The following ANTXR2 variants were observed in gnomAD, a reference collection of about 807,000 sequenced individuals.
ANTXR2 encodes the protein anthrax toxin receptor 2.
In ANTXR2, 44 loss-of-function variants were observed where a neutral mutation model predicts 73.7. That is an observed-to-expected ratio of 0.60 (90% CI 0.47 to 0.77). ANTXR2 has a LOEUF of 0.77. ANTXR2 is among the 30% of genes least tolerant of loss of function. The pLI, the probability that ANTXR2 is intolerant of heterozygous loss-of-function variation, is 0.00. For missense variants in ANTXR2, 604 were observed against 592.5 expected, an observed-to-expected ratio of 1.02 and a Z score of -0.20; for synonymous variants, 217 against 205.9, an observed-to-expected ratio of 1.05 and a Z score of -0.46.
chr4:79,955,327 G>C (rs1489339069), intron 16 of ANTXR2, among the ~76,000 whole-genome samples: 1 of 152,008 alleles, frequency 6.6e-6, no homozygotes, highest in South Asian at 2.1e-4. Flanking sequence ...TATGGATCTA[G>C]AATCATAGTA....
At chr4:79,963,713 C>T (rs1051520637) in intron 16 of ANTXR2, among the ~76,000 whole-genome samples, 1 of 152,042 alleles carries the variant, frequency 6.6e-6, no homozygotes, top group Non-Finnish European at 1.5e-5. Flanking sequence ...TATTATCTTA[C>T]CATTCCCAGG....
At chr4:79,991,864 G>A (rs1275121119) in intron 12 of ANTXR2, among the ~76,000 whole-genome samples, 1 of 151,986 alleles carries the variant, frequency 6.6e-6, no homozygotes, top group Non-Finnish European at 1.5e-5. Context: ...AGAAAACCAA[G>A]TACTACAGGT....
intron 12 of ANTXR2, among the ~76,000 whole-genome samples, chr4:79,990,507 T>C (rs1393695586): frequency 2.6e-5 from 4 of 151,846 alleles, no homozygotes; most frequent in Non-Finnish European, 4.4e-5. Flanking sequence ...GAAAAAGCAT[T>C]CTATGCTCAT....
intron 13 of ANTXR2, 33 bp from the exon 14 acceptor site, chr4:79,984,003 TTAA>T: frequency 7.1e-7 from 1 of 1,416,228 alleles, no homozygotes; most frequent in Non-Finnish European, 9.6e-7. Flanking sequence ...TAGTTTTTAA[TTAA>T]TTTCTTAAAA....
intron 7 of ANTXR2, among the ~76,000 whole-genome samples, chr4:80,049,206 T>C (rs1180464732): frequency 6.6e-6 from 1 of 151,792 alleles, no homozygotes; most frequent in African/African-American, 2.4e-5. Flanking sequence ...CAGAACATTT[T>C]GATTTTTATT....
At chr4:79,986,338 A>C (rs4475087) in intron 12 of ANTXR2, among the ~76,000 whole-genome samples, 13,902 of 152,198 alleles carry the variant, frequency 0.091, 733 homozygotes, top group Middle Eastern at 0.23. Flanking sequence ...AAATTTTCAA[A>C]GGTTTAAAAC....
At chr4:80,071,832 C>T (rs1734801625) in intron 1 of ANTXR2, among the ~76,000 whole-genome samples, 178 bp from the exon 2 acceptor site, 2 of 151,932 alleles carry the variant, frequency 1.3e-5, no homozygotes, top group Non-Finnish European at 2.9e-5. Context: ...AAGTCAGTCC[C>T]AGAGCAAGAC....
chr4:79,972,920 T>TAAAAAAAAAAAAA (rs746252575), intron 16 of ANTXR2, among the ~76,000 whole-genome samples: 49 of 53,140 alleles, frequency 9.2e-4, no homozygotes, highest in African/African-American at 6.0e-3. Flanking sequence ...TAGAGTATAA[T>TAAAAAAAAAAAAA]AAAAAAAAAA....
At chr4:79,935,269 C>G (rs72871875) in intron 16 of ANTXR2, among the ~76,000 whole-genome samples, 15,550 of 150,884 alleles carry the variant, frequency 0.1, 2,649 homozygotes, top group African/African-American at 0.36. Flanking sequence ...GAAAAAGCAC[C>G]CTTTCCTCCA....
intron 3 of ANTXR2, among the ~76,000 whole-genome samples, chr4:80,056,512 C>G (rs150268482): frequency 1.4e-3 from 212 of 151,962 alleles, no homozygotes; most frequent in African/African-American, 4.8e-3. Context: ...CTCCCAGAGT[C>G]GTAAGTCTCA....
rs756324499 is a variant in ANTXR2, at chr4:80,008,604, C to T, written c.958G>A (p.Ala320Thr). 19 of 1,600,120 alleles carry T rather than the reference C, an allele frequency of 1.2e-5. No individual in the cohort carries two copies. The highest frequency in any genetic ancestry group is 4.6e-5 in the East Asian group (2 of 43,892). Residue 320 changes from alanine (A) to threonine (T), a missense_variant, in exon 12 of 17, where the codon GCA (alanine) becomes ACA (threonine). Physicochemically the swap from Ala to Thr is moderately conservative, Grantham distance 58. Coordinates refer to ENST00000403729, the MANE Select transcript of ANTXR2 (RefSeq NM_058172.6). ...AACACCAAAATAACAATGATGGCTG[C>T]GATCCCGTTAGACTAAAGTAGGCAA... ...VTATECSNGI[A>T]AIIVILVLLL...
intron 16 of ANTXR2, among the ~76,000 whole-genome samples, chr4:79,934,323 G>A (rs532458622): frequency 6.6e-6 from 1 of 152,096 alleles, no homozygotes; most frequent in South Asian, 2.1e-4. Flanking sequence ...GAGGCCAGGA[G>A]TTCAAGACCA....
intron 16 of ANTXR2, chr4:79,977,389 C>T: frequency 1.2e-6 from 1 of 839,750 alleles, no homozygotes; most frequent in Non-Finnish European, 1.7e-6. Flanking sequence ...TACAAATGAC[C>T]AGAATTGTAA....
intron 16 of ANTXR2, among the ~76,000 whole-genome samples, chr4:79,949,988 A>C (rs1728645346): frequency 6.6e-6 from 1 of 152,186 alleles, no homozygotes; most frequent in African/African-American, 2.4e-5. Context: ...TTAAGGGACA[A>C]GAACAGCTAT....
intron 7 of ANTXR2, among the ~76,000 whole-genome samples, chr4:80,040,393 T>C (rs935327526): frequency 2.0e-5 from 3 of 152,098 alleles, no homozygotes; most frequent in African/African-American, 7.2e-5. Flanking sequence ...CCAGTTAATT[T>C]TTGCCAAATT....
chr4:79,934,732 T>A (rs1481390974), intron 16 of ANTXR2, among the ~76,000 whole-genome samples: 3 of 152,152 alleles, frequency 2.0e-5, no homozygotes, highest in Non-Finnish European at 4.4e-5. Context: ...TTGCTACTAT[T>A]TCTGTCTAAG....
At position 80,006,175 on chromosome 4, in the gene ANTXR2, C is replaced by A. The variant is rs749103624; in HGVS notation, c.1041+2346G>T. On this transcript the variant is annotated intron_variant, in intron 12 of 16. Transcript: ENST00000403729. ...CTTTATGTTTCTACTGTTCTTTACA[C>A]ACGCCGCTATTAGGACTTCAGTTAC... Among the ~76,000 whole-genome samples, 28 of 152,168 alleles carry A rather than the reference C, an allele frequency of 1.8e-4. 1 individual carries two copies. The highest frequency in any genetic ancestry group is 6.0e-4 in the African/African-American group (25 of 41,538).
rs1139638 is a variant in ANTXR2, at chr4:79,906,645, A to C, written c.*784T>G. 123,283 of 152,152 alleles carry C rather than the reference A, an allele frequency of 0.81. 50,143 individuals are homozygous for C. The highest frequency in any genetic ancestry group is 1 in the East Asian group (5,168 of 5,170). 9.4% of individuals were successfully genotyped at this position (152,152 alleles called of 1,614,324 possible). ...TAGTCACAGGGACAAGTTCGCAAAA[A>C]ATGAGTCCCTTGCACTACACTCAAG... On this transcript the variant is annotated 3_prime_UTR_variant, in exon 17 of 17. Coordinates refer to ENST00000403729, the MANE Select transcript of ANTXR2 (RefSeq NM_058172.6).
chr4:80,040,196 C>T (rs1733168670), intron 7 of ANTXR2, among the ~76,000 whole-genome samples: 1 of 151,848 alleles, frequency 6.6e-6, no homozygotes, highest in African/African-American at 2.4e-5. Flanking sequence ...ATGGGATCAA[C>T]TGGACCCAAA....
Sources: gnomAD v4.1 joint callset for allele counts (sites outside exome capture counted in the v4.1 genomes callset) on GRCh38, gnomAD v4.1.1 for gene constraint, MANE v1.5 for transcripts, NCBI Gene and HGNC (gene_info 2026-07-23, HGNC 2026-07-21) for gene names.